The following ANAPC1 variants were observed in gnomAD, a reference collection of about 807,000 sequenced individuals.
The protein encoded by ANAPC1 is anaphase promoting complex subunit 1.
In ANAPC1, 36 loss-of-function variants were observed where a neutral mutation model predicts 208.0. The ratio of observed to expected loss-of-function variants is 0.17; its 90% CI spans 0.13 to 0.23. ANAPC1 has a LOEUF of 0.23. ANAPC1 is among the 10% of genes least tolerant of loss of function. ANAPC1 has a pLI of 1.00. For missense variants in ANAPC1, 942 were observed against 2,011.6 expected (o/e 0.47, Z 10.17); for synonymous variants, 378 against 695.2 (o/e 0.54, Z 7.18).
In ANAPC1 at chr2:111,853,777, C is replaced by T. The variant is rs187530669; in HGVS notation, c.1515+2837G>A. Among the ~76,000 whole-genome samples, 426 of 151,908 alleles carry T rather than the reference C, an allele frequency of 2.8e-3. 2 individuals carry two copies. The highest frequency in any genetic ancestry group is 9.7e-3 in the African/African-American group (400 of 41,406). The stretch of plus-strand genomic sequence containing the variant: ...TGTCGCCCAGGCTGGAGTGCAGTGG[C>T]GTAATCTCGGCTCACTGCAAGCTCC... On this transcript the variant is annotated intron_variant, in intron 13 of 47. Transcript: ENST00000341068.
In ANAPC1 at chr2:111,856,853, G is replaced by A. The variant is rs145540608; in HGVS notation, c.1392C>T (p.Thr464=). The change falls in exon 12 of 48, where the codon ACC becomes ACT. Residue 464 remains threonine (T), a synonymous_variant. Coordinates refer to ENST00000341068, the MANE Select transcript of ANAPC1 (RefSeq NM_022662.4). ...CVKFQESNDK[T]QLIFGSVTNI... ...TGGTCACTGAACCAAAGATGAGCTG[G>A]GTTTTATCATTACTCTCTTGAAACT... 232 of 1,611,994 alleles carry A rather than the reference G, an allele frequency of 1.4e-4. No individual in the cohort carries two copies. The highest frequency in any genetic ancestry group is 1.9e-4 in the Non-Finnish European group (225 of 1,179,806).
At chr2:111,846,546 T>TATAC (rs1307224149) in intron 16 of ANAPC1, among the ~76,000 whole-genome samples, 154 of 56,446 alleles carry the variant, frequency 2.7e-3, no homozygotes, top group African/African-American at 0.011. Context: ...TATATATATA[T>TATAC]ATATATATAT....
intron 47 of ANAPC1, among the ~76,000 whole-genome samples, chr2:111,771,875 A>G (rs879072658): frequency 6.6e-6 from 1 of 151,982 alleles, no homozygotes; most frequent in Non-Finnish European, 1.5e-5. Flanking sequence ...ATCTGTTTCT[A>G]TATTCTGAAA....
chr2:111,882,337 T>TTA (rs1683347036), intron 1 of ANAPC1, among the ~76,000 whole-genome samples: 1 of 152,200 alleles, frequency 6.6e-6, no homozygotes, highest in Admixed American at 6.5e-5. Context: ...GACTTGCTGC[T>TTA]CATAGGGCAA....
At chr2:111,831,826 C>CAAAA (rs34008628) in intron 20 of ANAPC1, among the ~76,000 whole-genome samples, 1 of 29,034 alleles carries the variant, frequency 3.4e-5, no homozygotes, top group African/African-American at 2.2e-4. Flanking sequence ...GACTCTGTCT[C>CAAAA]AAAAAAAAAA....
chr2:111,794,919 C>T, intron 34 of ANAPC1, 25 bp from the exon 35 acceptor site: 2 of 860,412 alleles, frequency 2.3e-6, no homozygotes, highest in South Asian at 3.5e-5. Flanking sequence ...AGCAAGAATA[C>T]TTAGATATCA....
chr2:111,845,302 C>A (rs1680994309), intron 16 of ANAPC1, among the ~76,000 whole-genome samples: 1 of 152,210 alleles, frequency 6.6e-6, no homozygotes. Context: ...CTCACATATC[C>A]TCTCTTCCAG....
chr2:111,789,822 C>A (rs1454656199), intron 38 of ANAPC1, among the ~76,000 whole-genome samples: 1 of 152,170 alleles, frequency 6.6e-6, no homozygotes, highest in Admixed American at 6.5e-5. Context: ...GAAAGAAGAG[C>A]GAGGAGAGTC....
At chr2:111,778,821 C>A in intron 44 of ANAPC1, 51 bp from the exon 45 acceptor site, 2 of 1,609,804 alleles carry the variant, frequency 1.2e-6, no homozygotes, top group South Asian at 1.1e-5. Context: ...AAAATCAATT[C>A]AAAAACGAAT....
chr2:111,880,933 T>C, intron 1 of ANAPC1, 84 bp from the exon 2 acceptor site: 1 of 1,247,940 alleles, frequency 8.0e-7, no homozygotes, highest in East Asian at 2.5e-5. Flanking sequence ...TCATTAATCC[T>C]TACATGGGTG....
At chr2:111,855,912 T>C (rs1488037251) in intron 13 of ANAPC1, among the ~76,000 whole-genome samples, 2 of 152,228 alleles carry the variant, frequency 1.3e-5, no homozygotes, top group African/African-American at 4.8e-5. Flanking sequence ...AAAATGTATA[T>C]TCTCTACGTA....
At chr2:111,861,027 G>A (rs1219142026) in intron 10 of ANAPC1, among the ~76,000 whole-genome samples, 1 of 151,990 alleles carries the variant, frequency 6.6e-6, no homozygotes, top group African/African-American at 2.4e-5. Context: ...CCTTCTTACC[G>A]CTGTCATCAA....
Position 111,834,594 on chromosome 2 carries a change from A to G in ANAPC1, c.2384+10T>C, listed in dbSNP as rs1438408558. Reference sequence around the variant, plus strand: ...CTTCCTGGCAGTTTCTAACCTACAAACAAATTTACCTTGCCAACTGAACGA... The same window carrying G: ...CTTCCTGGCAGTTTCTAACCTACAAGCAAATTTACCTTGCCAACTGAACGA... On this transcript the variant is annotated intron_variant, in intron 19 of 47. Coordinates refer to ENST00000341068, the MANE Select transcript of ANAPC1 (RefSeq NM_022662.4). The G allele has an allele frequency of 6.4e-6, 10 of 1,561,120 alleles. No individual in the cohort carries two copies. The African/African-American group carries it at 1.4e-4, about 21-fold the overall frequency.
chr2:111,880,753 G>C lies in ANAPC1; in HGVS notation c.73C>G (p.Arg25Gly), dbSNP rs13023605. Residue 25 changes from arginine to glycine, a missense_variant, in exon 2 of 48, where the codon CGA becomes GGA. Arg to Gly is a moderately radical substitution (Grantham distance 125, BLOSUM62 -2). Transcript: ENST00000341068. ...RDLQEFVPFGRDHCKHHPNAL... is the reference protein window; with the variant it reads ...RDLQEFVPFGGDHCKHHPNAL... ...TTAGGGTGGTGCTTGCAGTGGTCTC[G>C]ACCAAAAGGAACAAATTCCTGCAAA... The C allele has an allele frequency of 6.4e-5, 103 of 1,613,532 alleles. No individual in the cohort carries two copies. Among genetic ancestry groups the C allele is most frequent in the South Asian group, 1.3e-4 (12 of 91,038 alleles).
At chr2:111,783,412 G>C (rs2685997) in intron 42 of ANAPC1, among the ~76,000 whole-genome samples, 65,811 of 146,260 alleles carry the variant, frequency 0.45, 15,093 homozygotes, top group African/African-American at 0.56. Flanking sequence ...GCACCTCTCT[G>C]TCTCTCTCTT....
At chr2:111,823,167 GC>G (rs1387692706) in intron 24 of ANAPC1, among the ~76,000 whole-genome samples, 1 of 150,536 alleles carries the variant, frequency 6.6e-6, no homozygotes, top group Non-Finnish European at 1.5e-5. Flanking sequence ...CCGCCACCAT[GC>G]CCGGCTAATT....
chr2:111,777,428 C>T (rs1308497171), intron 45 of ANAPC1, among the ~76,000 whole-genome samples: 1 of 151,730 alleles, frequency 6.6e-6, no homozygotes, highest in Non-Finnish European at 1.5e-5. Context: ...AAGAAGAACA[C>T]TACTAATAAT....
intron 41 of ANAPC1, 97 bp downstream of exon 41, chr2:111,784,226 A>G (rs1677434795): frequency 1.9e-6 from 3 of 1,592,734 alleles, no homozygotes; most frequent in Admixed American, 1.7e-5. Flanking sequence ...GCTACAATAC[A>G]TGAAGAAAGC....
chr2:111,844,414 C>T (rs2104500360), intron 16 of ANAPC1, among the ~76,000 whole-genome samples: 1 of 151,326 alleles, frequency 6.6e-6, no homozygotes, highest in East Asian at 2.0e-4. Context: ...ACTAAAAATA[C>T]AAAAATTAGT....
Sources: gnomAD v4.1 joint callset for allele counts (sites outside exome capture counted in the v4.1 genomes callset) on GRCh38, gnomAD v4.1.1 for gene constraint, MANE v1.5 for transcripts, NCBI Gene and HGNC (gene_info 2026-07-23, HGNC 2026-07-21) for gene names.